The following IQANK1 variants were observed in gnomAD, a reference collection of about 807,000 sequenced individuals.
The protein encoded by IQANK1 is IQ motif and ankyrin repeat domain-containing protein 1.
In IQANK1, 30 loss-of-function variants were observed where a neutral mutation model predicts 22.6. The observed-to-expected ratio is 1.33, with a 90% CI of 0.99 to 1.80. The LOEUF (loss-of-function observed/expected upper bound fraction) is 1.80. IQANK1 is among the 40% of genes most tolerant of loss of function. The probability of loss-of-function intolerance (pLI) is 0.00; values close to 1 mark genes in which losing one functional copy is unlikely to be tolerated. For synonymous variants in IQANK1, 122 were observed against 99.6 expected, an observed-to-expected ratio of 1.23 and a Z score of -1.34; for missense variants, 275 against 235.2, an observed-to-expected ratio of 1.17 and a Z score of -1.11.
chr8:143,778,173 T>C lies in IQANK1; in HGVS notation c.789+5691T>C, dbSNP rs1484036574. Among the ~76,000 whole-genome samples the C allele has an allele frequency of 5.4e-5, 8 of 148,184 alleles. No homozygotes were observed. The South Asian group carries it at 8.7e-4, about 16-fold the overall frequency. On this transcript the variant is annotated intron_variant, in intron 7 of 13. Transcript: ENST00000527139. ...TCGCACCACTGCACTCCAGCCTGGG[T>C]GACAGAGTAAGACTCCGTCTCAAAA...
In IQANK1 at chr8:143,774,024, C is replaced by T. The variant is rs1424498491; in HGVS notation, c.789+1542C>T. 6.6e-6 allele frequency among the ~76,000 whole-genome samples: 1 copy of T among 152,010 alleles called. No homozygotes were observed. Among genetic ancestry groups the T allele is most frequent in the East Asian group, 1.9e-4 (1 of 5,186 alleles). ...CCACAGGCAAAGGGGTTAGTGTGGA[C>T]CTGAAGCACACACCTATAAAAAATG... is the stretch of plus-strand genomic sequence containing the variant. On this transcript the variant is annotated intron_variant, in intron 7 of 13. Coordinates refer to ENST00000527139, the MANE Select transcript of IQANK1 (RefSeq NM_001381874.1). This position sits in a 1 kb window ranked among gnomAD's most constrained non-coding sequence, Gnocchi z 4.2.
At chr8:143,781,869 TTGA>T (rs1401989560) in intron 7 of IQANK1, among the ~76,000 whole-genome samples, 1 of 152,232 alleles carries the variant, frequency 6.6e-6, no homozygotes, top group African/African-American at 2.4e-5. Context: ...GTATAATAGT[TTGA>T]TAGGAATAGC....
chr8:143,743,762 T>C, intron 3 of IQANK1: 3 of 346,422 alleles, frequency 8.7e-6, no homozygotes, highest in South Asian at 6.3e-5. Context: ...ATAATTATGC[T>C]GCCATCTACA....
chr8:143,772,344 G>A lies in IQANK1; in HGVS notation c.664-13G>A, dbSNP rs945400572. ...GCAAGGCCTGGATCTTGCTCGGGGG[G>A]CCCGTCTTGCAGGGCGCTTTCGGTC... On this transcript the variant is annotated splice_polypyrimidine_tract_variant and intron_variant, in intron 6 of 13. Coordinates refer to ENST00000527139, the MANE Select transcript of IQANK1 (RefSeq NM_001381874.1). 1.8e-5 allele frequency: 7 copies of A among 398,882 alleles called. No individual in the cohort carries two copies. Among genetic ancestry groups the A allele is most frequent in the Admixed American group, 8.8e-5 (2 of 22,718 alleles). 24.7% of individuals were successfully genotyped at this position (398,882 alleles called of 1,614,324 possible). A position where few individuals can be genotyped will look rare whatever the true frequency, so the allele number is the denominator to read the frequency against.
Position 143,789,752 on chromosome 8 carries a change from C to T in IQANK1, c.1087-9C>T, listed in dbSNP as rs1374259443. On this transcript the variant is annotated splice_polypyrimidine_tract_variant and intron_variant, in intron 10 of 13. Coordinates refer to ENST00000527139, the MANE Select transcript of IQANK1 (RefSeq NM_001381874.1). Reference sequence around the variant, plus strand: ...AGGGCAAGCAAGTCAGTGTGGCCTCCTCCTCCAGGCCATCAAGGACACAGA... The same window carrying T: ...AGGGCAAGCAAGTCAGTGTGGCCTCTTCCTCCAGGCCATCAAGGACACAGA... 7 of 1,231,352 alleles carry T rather than the reference C, an allele frequency of 5.7e-6. No individual in the cohort carries two copies. The highest frequency in any genetic ancestry group is 1.6e-5 in the African/African-American group (1 of 64,430). 76.3% of individuals were successfully genotyped at this position (1,231,352 alleles called of 1,614,324 possible).
chr8:143,748,589 TA>T (rs1819083910), intron 3 of IQANK1, among the ~76,000 whole-genome samples: 1 of 123,654 alleles, frequency 8.1e-6, no homozygotes. Context: ...TAAATATAGA[TA>T]TGATATATAT....
intron 8 of IQANK1, 37 bp downstream of exon 8, chr8:143,789,100 G>A (rs1007989169): frequency 1.8e-4 from 71 of 401,738 alleles, no homozygotes; most frequent in Non-Finnish European, 2.8e-4. Context: ...GAGGGGTGCT[G>A]GCAAGGGGCG....
At position 143,771,346 on chromosome 8, in the gene IQANK1, C is replaced by T. The variant is rs1819567173; in HGVS notation, c.176-142C>T. The T allele has an allele frequency of 5.2e-6, 2 of 387,894 alleles. No individual in the cohort carries two copies. Among genetic ancestry groups the T allele is most frequent in the Non-Finnish European group, 9.0e-6 (2 of 221,104 alleles). The allele number at this position is 387,894 out of a possible 1,614,324, so 24.0% of individuals were successfully genotyped here. On this transcript the variant is annotated intron_variant, in intron 3 of 13. Coordinates refer to ENST00000527139, the MANE Select transcript of IQANK1 (RefSeq NM_001381874.1). This position sits in a 1 kb window ranked among gnomAD's most constrained non-coding sequence, Gnocchi z 6.0. Reference sequence around the variant, plus strand: ...CGGCCTCTGCGGGCGGGAACCCCGGCTCGGCCGCGCTGGGGGCTTTGAGAG... The same window carrying T: ...CGGCCTCTGCGGGCGGGAACCCCGGTTCGGCCGCGCTGGGGGCTTTGAGAG...
chr8:143,773,402 TG>T (rs1441349923), intron 7 of IQANK1, among the ~76,000 whole-genome samples: 1 of 146,612 alleles, frequency 6.8e-6, no homozygotes, highest in African/African-American at 2.6e-5. Context: ...AGGAGTGGGG[TG>T]GGGTGAGGCT....
At chr8:143,767,817 G>A (rs888826896) in intron 3 of IQANK1, among the ~76,000 whole-genome samples, 4 of 150,726 alleles carry the variant, frequency 2.7e-5, no homozygotes, top group Non-Finnish European at 4.4e-5. Flanking sequence ...CCCGGGAGGC[G>A]GAGCTTGCAG....
At chr8:143,773,400 G>A (rs1554630022) in intron 7 of IQANK1, among the ~76,000 whole-genome samples, 2 of 152,042 alleles carry the variant, frequency 1.3e-5, no homozygotes, top group African/African-American at 4.8e-5. Flanking sequence ...CCAGGAGTGG[G>A]GTGGGGTGAG....
chr8:143,734,249 G>A (rs1343657994), intron 1 of IQANK1, 30 bp downstream of exon 1: 2 of 152,042 alleles, frequency 1.3e-5, no homozygotes, highest in African/African-American at 2.4e-5. Flanking sequence ...GTCGAGCCCC[G>A]GGCGGGGCCG....
Position 143,774,828 on chromosome 8 carries a change from T to C in IQANK1, c.789+2346T>C, listed in dbSNP as rs1423294488. Reference sequence around the variant, plus strand: ...AAACACGCTTGGCAATAAAACGGTGTGCACACATGATCCATGCAACAACTA... The same window carrying C: ...AAACACGCTTGGCAATAAAACGGTGCGCACACATGATCCATGCAACAACTA... On this transcript the variant is annotated intron_variant, in intron 7 of 13. Coordinates refer to ENST00000527139, the MANE Select transcript of IQANK1 (RefSeq NM_001381874.1). This position sits in a 1 kb window ranked among gnomAD's most constrained non-coding sequence, Gnocchi z 4.2. Among the ~76,000 whole-genome samples the C allele has an allele frequency of 6.6e-6, 1 of 152,160 alleles. No homozygotes were observed. Among genetic ancestry groups the C allele is most frequent in the African/African-American group, 2.4e-5 (1 of 41,448 alleles).
chr8:143,786,727 G>T (rs1563781836), intron 7 of IQANK1, among the ~76,000 whole-genome samples: 2 of 152,178 alleles, frequency 1.3e-5, no homozygotes, highest in African/African-American at 4.8e-5. Flanking sequence ...GGGCGGGCAG[G>T]GCTGGGCTGG....
At position 143,789,854 on chromosome 8, in the gene IQANK1, G is replaced by A; in HGVS notation, c.1180G>A (p.Glu394Lys). The change falls in exon 11 of 14, where the codon GAG (glutamate) becomes AAG (lysine). Residue 394 changes from glutamate (E) to lysine (K), a missense_variant. Coordinates refer to ENST00000527139, the MANE Select transcript of IQANK1 (RefSeq NM_001381874.1). ...GGCTATGGCCAGGCTGGAGCTTCGG[G>A]AGCAGACGCAGGAGGGTGGGCCTGG... ...ALAMARLELR[E>K]QTQEGEEEAP... 2 of 1,232,160 alleles carry A rather than the reference G, an allele frequency of 1.6e-6. No individual in the cohort carries two copies. The highest frequency in any genetic ancestry group is 2.0e-6 in the Non-Finnish European group (2 of 988,150). The allele number at this position is 1,232,160 out of a possible 1,614,324, so 76.3% of individuals were successfully genotyped here.
chr8:143,786,357 C>T (rs1345775519), intron 7 of IQANK1, among the ~76,000 whole-genome samples: 2 of 152,146 alleles, frequency 1.3e-5, no homozygotes, highest in South Asian at 4.1e-4. Context: ...TCCTTAGGAC[C>T]CCAAAGTGAG....
chr8:143,755,031 T>C (rs1819264984), intron 3 of IQANK1, among the ~76,000 whole-genome samples: 1 of 152,076 alleles, frequency 6.6e-6, no homozygotes. Context: ...CCACCCACAC[T>C]CAAGGGGAAG....
At chr8:143,751,651 T>C (rs1206042411) in intron 3 of IQANK1, among the ~76,000 whole-genome samples, 2 of 77,420 alleles carry the variant, frequency 2.6e-5, no homozygotes, top group Admixed American at 1.8e-4. Flanking sequence ...TGTGTGTGTG[T>C]GTGTGTGTGT....
intron 3 of IQANK1, among the ~76,000 whole-genome samples, chr8:143,755,329 T>C (rs1024281009): frequency 9.2e-5 from 14 of 152,178 alleles, no homozygotes; most frequent in African/African-American, 3.1e-4. Context: ...GCATCAATGT[T>C]GTGTATGTTA....
Sources: gnomAD v4.1 joint callset for allele counts (sites outside exome capture counted in the v4.1 genomes callset) on GRCh38, gnomAD v4.1.1 for gene constraint, Gnocchi (gnomAD v3.1) non-coding constraint, MANE v1.5 for transcripts, NCBI Gene and HGNC (gene_info 2026-07-23, HGNC 2026-07-21) for gene names.